SYNPO: variants seen among roughly 807,000 people sequenced by gnomAD.
SYNPO encodes synaptopodin.
Under a neutral mutation model 49.5 loss-of-function variants are expected in SYNPO, and 19 were observed. The ratio of observed to expected loss-of-function variants is 0.38; its 90% confidence interval spans 0.27 to 0.56. The LOEUF (loss-of-function observed/expected upper bound fraction) is 0.56, where lower values mean the gene tolerates loss of function less well. Among genes scored for constraint, SYNPO ranks in the 20% least tolerant of loss-of-function variants. The pLI is 0.68. For missense variants in SYNPO, 1,131 were observed against 1,248.3 expected (o/e 0.91, Z 1.42); for synonymous variants, 536 against 548.0 (o/e 0.98, Z 0.31).
At chr5:150,606,576 C>G (rs1369312787) in intron 1 of SYNPO, among the ~76,000 whole-genome samples, 3 of 152,256 alleles carry the variant, frequency 2.0e-5, no homozygotes, top group Non-Finnish European at 4.4e-5. Flanking sequence ...GGCTCTTGCT[C>G]TGCGCCGGGC....
Position 150,656,895 on chromosome 5 carries a change from C to T in SYNPO, c.2520C>T (p.Ser840=). The T allele has an allele frequency of 6.3e-7, 1 of 1,575,640 alleles. No individual in the cohort carries two copies. The highest frequency in any genetic ancestry group is 1.2e-5 in the South Asian group (1 of 86,086). The change falls in exon 3 of 3, where the codon AGC becomes AGT. Residue 840 remains serine (S), a synonymous_variant. Coordinates refer to ENST00000307662, the MANE Select transcript of SYNPO (RefSeq NM_007286.6). ...AGPSSCTSPR[S]PLPAPPRPFL... Reference sequence around the variant, plus strand: ...CTTCGTCCTGCACCAGTCCCCGGAGCCCGCTGCCCGCGCCTCCCAGGCCCT... The same window carrying T: ...CTTCGTCCTGCACCAGTCCCCGGAGTCCGCTGCCCGCGCCTCCCAGGCCCT...
chr5:150,649,854 G>A lies in SYNPO; in HGVS notation c.1579G>A (p.Gly527Arg), dbSNP rs969736241. Residue 527 changes from glycine to arginine, a missense_variant, in exon 2 of 3, where the codon GGG becomes AGG. Physicochemically the swap from Gly to Arg is moderately radical, Grantham distance 125. Transcript: ENST00000307662. ...CTGGAAATACCCCACTAACGCCCCC[G>A]GGGCCTTCCGAGTGGCATCCCGAAG... ...SSWKYPTNAP[G>R]AFRVASRSPA... 12 of 1,608,496 alleles carry A rather than the reference G, an allele frequency of 7.5e-6. No homozygotes were observed. Among genetic ancestry groups the A allele is most frequent in the Admixed American group, 3.3e-5 (2 of 60,000 alleles).
intron 1 of SYNPO, among the ~76,000 whole-genome samples, chr5:150,605,266 T>A (rs1051280294): frequency 1.3e-5 from 2 of 152,080 alleles, no homozygotes; most frequent in African/African-American, 4.8e-5. Context: ...TGGTCTCAAA[T>A]CTTGCCATAA....
intron 2 of SYNPO, chr5:150,650,564 G>A (rs184451297): frequency 1.9e-4 from 272 of 1,459,394 alleles, no homozygotes; most frequent in Non-Finnish European, 2.1e-4. Flanking sequence ...ATGTCTGAGC[G>A]GGGAGGAGGG....
the SYNPO span, among the ~76,000 whole-genome samples, chr5:150,593,047 T>A: frequency 6.6e-5 from 10 of 152,338 alleles, no homozygotes; most frequent in East Asian, 1.9e-3. Context: ...AGTGCTCCCC[T>A]CTGTCCCGGG....
chr5:150,636,598 C>T (rs906874304), upstream of SYNPO, among the ~76,000 whole-genome samples: 3 of 152,204 alleles, frequency 2.0e-5, no homozygotes, highest in Admixed American at 6.5e-5. Context: ...TCAGCCTCTC[C>T]CTGGCAGGAG....
At chr5:150,635,893 T>C (rs1757699959), upstream of SYNPO, among the ~76,000 whole-genome samples, 1 of 152,240 alleles carries the variant, frequency 6.6e-6, no homozygotes, top group East Asian at 1.9e-4. Flanking sequence ...GACAAGCATA[T>C]GCCTCACTCT....
At chr5:150,596,489 G>GC (rs1208084770), upstream of SYNPO, among the ~76,000 whole-genome samples, 1 of 152,130 alleles carries the variant, frequency 6.6e-6, no homozygotes, top group African/African-American at 2.4e-5. Flanking sequence ...TTGACGGACG[G>GC]CCCCCATGTA....
At chr5:150,650,875 T>C (rs908796878) in intron 2 of SYNPO, 3 of 1,258,896 alleles carry the variant, frequency 2.4e-6, no homozygotes, top group Non-Finnish European at 3.0e-6. Flanking sequence ...GCCTCTGCCT[T>C]CTGGACACCG....
At chr5:150,650,819 T>A in intron 2 of SYNPO, 1 of 1,279,550 alleles carries the variant, frequency 7.8e-7, no homozygotes, top group Non-Finnish European at 9.9e-7. Context: ...TCCTGGCGTC[T>A]TTCTTCCTGT....
intron 1 of SYNPO, among the ~76,000 whole-genome samples, chr5:150,641,506 T>C (rs544982541): frequency 6.6e-6 from 1 of 152,300 alleles, no homozygotes; most frequent in Non-Finnish European, 1.5e-5. Context: ...CCTTGAATTC[T>C]CCCTGTCCTG....
At chr5:150,613,277 C>A (rs772728647) in intron 1 of SYNPO, among the ~76,000 whole-genome samples, 2 of 152,106 alleles carry the variant, frequency 1.3e-5, no homozygotes, top group African/African-American at 4.8e-5. Context: ...GCCCACCCCC[C>A]TACTTTGTCT....
intron 2 of SYNPO, among the ~76,000 whole-genome samples, chr5:150,626,753 G>A (rs1240158803): frequency 6.6e-6 from 1 of 152,158 alleles, no homozygotes; most frequent in Admixed American, 6.5e-5. Context: ...TTTTAGAATT[G>A]GGGAGACTGG....
chr5:150,642,228 C>T (rs1229139764), intron 1 of SYNPO, among the ~76,000 whole-genome samples: 1 of 152,190 alleles, frequency 6.6e-6, no homozygotes, highest in Admixed American at 6.5e-5. Context: ...TGGGGCTTCT[C>T]GCCTACTCCC....
intron 2 of SYNPO, among the ~76,000 whole-genome samples, chr5:150,621,901 A>T (rs1395200697): frequency 7.0e-6 from 1 of 143,778 alleles, no homozygotes; most frequent in Admixed American, 6.8e-5. Flanking sequence ...GGCCTCAGCC[A>T]ACACTAGGGC....
At chr5:150,625,815 G>T (rs1757337515) in intron 2 of SYNPO, among the ~76,000 whole-genome samples, 1 of 152,216 alleles carries the variant, frequency 6.6e-6, no homozygotes, top group South Asian at 2.1e-4. Context: ...AGGTTGTCTG[G>T]AAGGGACAAG....
intron 2 of SYNPO, chr5:150,650,927 C>T: frequency 2.1e-5 from 26 of 1,258,358 alleles, no homozygotes; most frequent in Non-Finnish European, 2.6e-5. Context: ...TCGCCTCCGC[C>T]TGCGCTCCCC....
chr5:150,608,498 T>C (rs557520966), intron 1 of SYNPO: 1 of 152,288 alleles, frequency 6.6e-6, no homozygotes, highest in African/African-American at 2.4e-5. Flanking sequence ...CTCCCATGGT[T>C]TCTTTAGGCT....
intron 2 of SYNPO, among the ~76,000 whole-genome samples, chr5:150,624,352 T>TC (rs1757274594): frequency 6.6e-6 from 1 of 151,732 alleles, no homozygotes; most frequent in Admixed American, 6.6e-5. Context: ...GGGGACAGAA[T>TC]CACAAAGGCA....
Sources: allele counts gnomAD v4.1 joint callset (sites outside exome capture counted in the v4.1 genomes callset), GRCh38; gene constraint gnomAD v4.1.1; transcripts MANE v1.5; gene names NCBI Gene and HGNC (gene_info 2026-07-23, HGNC 2026-07-21).